The following NECAB2 variants were observed in gnomAD, a reference collection of about 807,000 sequenced individuals.
NECAB2 encodes N-terminal EF-hand calcium binding protein 2.
Under a neutral mutation model 51.9 loss-of-function variants are expected in NECAB2, and 68 were observed. The observed-to-expected ratio is 1.31, with a 90% CI of 1.08 to 1.60. The LOEUF (loss-of-function observed/expected upper bound fraction) is 1.60. Among genes scored for constraint, NECAB2 ranks in the 40% most tolerant of loss-of-function variants. NECAB2 has a pLI of 0.00. For synonymous variants in NECAB2, 329 were observed against 203.5 expected (o/e 1.62, Z -5.25); for missense variants, 854 against 490.3 (o/e 1.74, Z -7.00).
intron 5 of NECAB2, among the ~76,000 whole-genome samples, chr16:83,982,638 G>C (rs925426023): frequency 6.6e-6 from 1 of 152,158 alleles, no homozygotes; most frequent in Non-Finnish European, 1.5e-5. Context: ...TGAGGCATTC[G>C]TAACATCCAT....
chr16:83,999,836 T>C (rs963804439), intron 10 of NECAB2, among the ~76,000 whole-genome samples: 3 of 151,962 alleles, frequency 2.0e-5, no homozygotes, highest in East Asian at 3.9e-4. Flanking sequence ...AGAGGACAAG[T>C]AGAAGGAAGA....
At chr16:83,991,712 C>A (rs1455943956) in intron 6 of NECAB2, among the ~76,000 whole-genome samples, 3 of 151,912 alleles carry the variant, frequency 2.0e-5, no homozygotes, top group Admixed American at 2.0e-4. Context: ...ACAGTGGCAC[C>A]ATTGTGGCTC....
At chr16:83,983,599 C>A (rs189030510) in intron 5 of NECAB2, among the ~76,000 whole-genome samples, 220 of 152,126 alleles carry the variant, frequency 1.4e-3, no homozygotes, top group South Asian at 0.013. Context: ...TGATTTTTTT[C>A]CCCTAAGCTA....
chr16:83,980,728 C>A, intron 3 of NECAB2, 111 bp from the exon 4 acceptor site: 1 of 1,408,108 alleles, frequency 7.1e-7, no homozygotes, highest in Admixed American at 2.0e-5. Flanking sequence ...GTGGGGCCAG[C>A]ACACAGGCTG....
intron 10 of NECAB2, among the ~76,000 whole-genome samples, chr16:83,999,040 A>G (rs1230613933): frequency 6.6e-6 from 1 of 152,070 alleles, no homozygotes; most frequent in South Asian, 2.1e-4. Context: ...CCATCCCCAG[A>G]GCACACACTC....
intron 2 of NECAB2, among the ~76,000 whole-genome samples, chr16:83,977,472 C>A (rs192407126): frequency 6.6e-6 from 1 of 152,222 alleles, no homozygotes. Flanking sequence ...ACCCACAAGA[C>A]CTTCCTGGTA....
chr16:83,969,881 T>G (rs1001561247), intron 1 of NECAB2, among the ~76,000 whole-genome samples: 11 of 152,128 alleles, frequency 7.2e-5, no homozygotes, highest in African/African-American at 2.2e-4. Context: ...GGGGATTCCC[T>G]CCCTTCCTCT....
intron 5 of NECAB2, among the ~76,000 whole-genome samples, chr16:83,984,242 T>G (rs1033320456): frequency 2.6e-5 from 4 of 151,814 alleles, no homozygotes; most frequent in South Asian, 2.1e-4. Flanking sequence ...TGATCTGTCC[T>G]CCTCGGCCTC....
chr16:83,997,798 G>C (rs994506259), intron 9 of NECAB2, among the ~76,000 whole-genome samples: 1 of 152,068 alleles, frequency 6.6e-6, no homozygotes, highest in African/African-American at 2.4e-5. Flanking sequence ...TGGCCCAGAG[G>C]CTCCTGGACT....
chr16:83,991,014 G>A (rs987503346), intron 6 of NECAB2, among the ~76,000 whole-genome samples: 1 of 152,114 alleles, frequency 6.6e-6, no homozygotes, highest in African/African-American at 2.4e-5. Flanking sequence ...GACAAAAAGT[G>A]TCGCTCTGTC....
chr16:84,002,464 AGAAGGTGTTTCCCTGTTGTT>A lies in NECAB2; in HGVS notation c.*119_*138del. 7.5e-7 allele frequency: 1 copy of A among 1,334,162 alleles called. No homozygotes were observed. 82.6% of individuals were successfully genotyped at this position (1,334,162 alleles called of 1,614,324 possible). A position where few individuals can be genotyped will look rare whatever the true frequency, so the allele number is the denominator to read the frequency against. ...GCTTCTTTTCAATCCATCCTCCACA[AGAAGGTGTTTCCCTGTTGTT>A]AAGTGAAGGAGGCCGCCCCTGCCCC... On this transcript the variant is annotated 3_prime_UTR_variant, in exon 13 of 13. Transcript: ENST00000305202.
chr16:84,001,128 A>G (rs2292332), intron 11 of NECAB2, among the ~76,000 whole-genome samples: 42,509 of 152,018 alleles, frequency 0.28, 11,598 homozygotes, highest in African/African-American at 0.72. Context: ...TTGAGGGCCT[A>G]ACCTAGAAGG....
chr16:84,000,632 T>TA, intron 10 of NECAB2, 92 bp from the exon 11 acceptor site: 1 of 965,696 alleles, frequency 1.0e-6, no homozygotes, highest in East Asian at 2.4e-5. Flanking sequence ...CCGTTGTGTA[T>TA]AGTGGTGGGT....
intron 10 of NECAB2, among the ~76,000 whole-genome samples, chr16:83,999,648 T>G (rs2084781455): frequency 6.6e-6 from 1 of 152,040 alleles, no homozygotes; most frequent in Admixed American, 6.6e-5. Flanking sequence ...CAGAGAGGAT[T>G]CTGGGGCGGC....
intron 1 of NECAB2, among the ~76,000 whole-genome samples, chr16:83,969,996 C>T (rs1260945747): frequency 2.0e-5 from 3 of 152,208 alleles, no homozygotes; most frequent in Non-Finnish European, 4.4e-5. Context: ...CACATTCACA[C>T]ACTCACGCAC....
At chr16:83,993,249 C>T (rs1353458291) in intron 6 of NECAB2, among the ~76,000 whole-genome samples, 1 of 152,174 alleles carries the variant, frequency 6.6e-6, no homozygotes, top group Non-Finnish European at 1.5e-5. Flanking sequence ...CTGAGCAACC[C>T]GTCATGGTCT....
intron 11 of NECAB2, among the ~76,000 whole-genome samples, chr16:84,001,238 C>G (rs2084826806): frequency 6.6e-6 from 1 of 151,492 alleles, no homozygotes; most frequent in African/African-American, 2.5e-5. Context: ...GTCAGCAGCT[C>G]TGATGGGCCT....
upstream of NECAB2, among the ~76,000 whole-genome samples, chr16:83,967,020 T>G (rs2084288617): frequency 6.6e-6 from 1 of 152,132 alleles, no homozygotes; most frequent in Admixed American, 6.5e-5. Context: ...TACAGGTGAC[T>G]GCCACCTCGC....
Position 83,997,249 on chromosome 16 carries a change from G to C in NECAB2, c.829G>C (p.Asp277His). Residue 277 changes from aspartate (D) to histidine (H), a missense_variant, in exon 9 of 13, where the codon GAT becomes CAT. By Grantham distance (81) the Asp-to-His change is moderately conservative. Transcript: ENST00000305202. ...LWFDLQQRLS[D>H]EDGTNMHLQL... ...GTTCGACCTGCAGCAGCGCCTGTCA[G>C]ATGAAGATGGCACCAACATGGTGAG... 6.2e-7 allele frequency: 1 copy of C among 1,614,172 alleles called. No homozygotes were observed. The highest frequency in any genetic ancestry group is 8.5e-7 in the Non-Finnish European group (1 of 1,180,034).
Sources: allele counts gnomAD v4.1 joint callset (sites outside exome capture counted in the v4.1 genomes callset), GRCh38; gene constraint gnomAD v4.1.1; transcripts MANE v1.5; gene names NCBI Gene and HGNC (gene_info 2026-07-23, HGNC 2026-07-21).